DICER1: variants seen among roughly 807,000 people sequenced by gnomAD.
The protein encoded by DICER1 is dicer 1, ribonuclease III, also known as endoribonuclease Dicer.
Under a neutral mutation model 194.1 loss-of-function variants are expected in DICER1, and 43 were observed. That is an observed-to-expected ratio of 0.22 (90% CI 0.17 to 0.29). The LOEUF is 0.29. Among genes scored for constraint, DICER1 ranks in the 10% least tolerant of loss-of-function variants. The probability of loss-of-function intolerance (pLI) is 1.00; values close to 1 mark genes in which losing one functional copy is unlikely to be tolerated. For missense variants in DICER1, 1,608 were observed against 2,317.0 expected, an observed-to-expected ratio of 0.69 and a Z score of 6.28; for synonymous variants, 832 against 820.5, an observed-to-expected ratio of 1.01 and a Z score of -0.24.
At chr14:95,155,370 A>C (rs866363172) in intron 1 of DICER1, among the ~76,000 whole-genome samples, 35 of 152,240 alleles carry the variant, frequency 2.3e-4, no homozygotes, top group African/African-American at 6.5e-4. Flanking sequence ...CACATGTCAG[A>C]TAGTGGTAGA....
At chr14:95,108,746 C>T (rs113943173) in intron 14 of DICER1, among the ~76,000 whole-genome samples, 1 of 152,290 alleles carries the variant, frequency 6.6e-6, no homozygotes, top group Non-Finnish European at 1.5e-5. Flanking sequence ...GACTACATAG[C>T]TAATACCAAA....
rs202227142 is a variant in DICER1 at position 95,103,406 on chromosome 14, A to G, written c.3990T>C (p.Tyr1330=). 1.1e-5 allele frequency: 18 copies of G among 1,614,160 alleles called. 1 individual carries two copies. The highest frequency in any genetic ancestry group is 8.3e-5 in the Admixed American group (5 of 60,016). ...DSFLKHAITT[Y]LFCTYPDAHE... The stretch of plus-strand genomic sequence containing the variant: ...GCGCATCAGGGTAAGTGCAAAATAG[A>G]TATGTGGTGATGGCATGCTTTAAAA... The change falls in exon 21 of 27, where the codon TAT becomes TAC. Residue 1330 remains tyrosine, a synonymous_variant. Coordinates refer to ENST00000343455, the MANE Select transcript of DICER1 (RefSeq NM_177438.3).
chr14:95,126,458 AG>A (rs1893467188), intron 7 of DICER1, 121 bp downstream of exon 7: 2 of 653,960 alleles, frequency 3.1e-6, no homozygotes, highest in Non-Finnish European at 5.2e-6. Flanking sequence ...ATGTCTAAAA[AG>A]ATTAAGACCT....
chr14:95,153,691 C>T (rs1385413973), intron 1 of DICER1, among the ~76,000 whole-genome samples: 1 of 152,180 alleles, frequency 6.6e-6, no homozygotes, highest in Non-Finnish European at 1.5e-5. Flanking sequence ...TTCTATACTA[C>T]CAACCTTTAC....
At chr14:95,112,720 A>G (rs1374132484) in intron 12 of DICER1, among the ~76,000 whole-genome samples, 1 of 152,214 alleles carries the variant, frequency 6.6e-6, no homozygotes, top group Non-Finnish European at 1.5e-5. Flanking sequence ...GGACAACGCA[A>G]CGATCTATAA....
At chr14:95,111,509 A>G in intron 13 of DICER1, 53 bp from the exon 14 acceptor site, 1 of 1,587,460 alleles carries the variant, frequency 6.3e-7, no homozygotes, top group African/African-American at 1.3e-5. Flanking sequence ...CTGATTAATT[A>G]GTAAAGAATT....
In DICER1 at chr14:95,088,142, C is replaced by T. The variant is rs976227310; in HGVS notation, c.*2356G>A. On this transcript the variant is annotated 3_prime_UTR_variant, in exon 27 of 27. Coordinates refer to ENST00000343455, the MANE Select transcript of DICER1 (RefSeq NM_177438.3). ...TATTTTTCTCCAACAAAAAGTGAAA[C>T]GGCTGAAGTTTGCTGTTGATAAAAC... 7 of 232,556 alleles carry T rather than the reference C, an allele frequency of 3.0e-5. No individual in the cohort carries two copies. Among genetic ancestry groups the T allele is most frequent in the Non-Finnish European group, 5.1e-5 (6 of 117,538 alleles). The allele number at this position is 232,556 out of a possible 1,614,324, so 14.4% of individuals were successfully genotyped here.
chr14:95,120,088 C>T (rs563376998), intron 8 of DICER1, among the ~76,000 whole-genome samples: 25 of 152,144 alleles, frequency 1.6e-4, no homozygotes, highest in Non-Finnish European at 3.2e-4. Flanking sequence ...CTAATGCAGA[C>T]AACCATAAGA....
Position 95,087,969 on chromosome 14 carries a change from A to C in DICER1, c.*2529T>G, listed in dbSNP as rs1477257901. On this transcript the variant is annotated 3_prime_UTR_variant, in exon 27 of 27. Coordinates refer to ENST00000343455, the MANE Select transcript of DICER1 (RefSeq NM_177438.3). ...AGATGCAAAACATTTCAACAAGCTA[A>C]ACACAGGAAAACTTTACAGCATTAA... The C allele has an allele frequency of 5.1e-5, 12 of 233,104 alleles. No individual in the cohort carries two copies. Among genetic ancestry groups the C allele is most frequent in the Non-Finnish European group, 8.5e-5 (10 of 117,938 alleles). 14.4% of individuals were successfully genotyped at this position (233,104 alleles called of 1,614,324 possible).
chr14:95,096,615 C>T lies in DICER1; in HGVS notation c.4305G>A (p.Glu1435=). 1 of 1,612,006 alleles carries T rather than the reference C, an allele frequency of 6.2e-7. No homozygotes were observed. The highest frequency in any genetic ancestry group is 8.5e-7 in the Non-Finnish European group (1 of 1,178,980). ...ESLMWRAPKE[E]ADYEDDFLEY... ...CCAGGAAATCATCTTCATAGTCAGCCTCTTCCTTCGGAGCCCTCCACATCA... is the reference window on the plus strand; with the variant it reads ...CCAGGAAATCATCTTCATAGTCAGCTTCTTCCTTCGGAGCCCTCCACATCA... Residue 1435 remains glutamate (E), a synonymous_variant, in exon 23 of 27, where the codon GAG becomes GAA. Transcript: ENST00000343455.
At chr14:95,098,361 A>C (rs1890553978) in intron 22 of DICER1, among the ~76,000 whole-genome samples, 1 of 152,246 alleles carries the variant, frequency 6.6e-6, no homozygotes, top group Non-Finnish European at 1.5e-5. Flanking sequence ...CTGAAGGGCC[A>C]GAGCAAGGTA....
chr14:95,138,997 A>T (rs907988478), intron 1 of DICER1, among the ~76,000 whole-genome samples: 54 of 83,122 alleles, frequency 6.5e-4, no homozygotes, highest in African/African-American at 3.7e-3. Flanking sequence ...AAAAAAATAA[A>T]AAAAAAAAAA....
At position 95,096,063 on chromosome 14, in the gene DICER1, C is replaced by T; in HGVS notation, c.4857G>A (p.Val1619=). 6.2e-7 allele frequency: 1 copy of T among 1,614,186 alleles called. No homozygotes were observed. The highest frequency in any genetic ancestry group is 8.5e-7 in the Non-Finnish European group (1 of 1,180,034). Residue 1619 remains valine, a synonymous_variant, in exon 23 of 27, where the codon GTG becomes GTA. Transcript: ENST00000343455. ...NFNSQQKNLS[V]SCAAASVASS... ...TGGCCACAGAAGCAGCAGCACAGCT[C>T]ACTGAAAGGTTCTTTTGTTGGCTGT...
intron 1 of DICER1, among the ~76,000 whole-genome samples, chr14:95,147,482 C>G (rs142417616): frequency 1.3e-5 from 2 of 152,214 alleles, no homozygotes; most frequent in Non-Finnish European, 2.9e-5. Flanking sequence ...AAACCTCCCC[C>G]GTTAAGGCAC....
chr14:95,146,338 T>G (rs1246760110), intron 1 of DICER1, among the ~76,000 whole-genome samples: 1 of 152,186 alleles, frequency 6.6e-6, no homozygotes, highest in Non-Finnish European at 1.5e-5. Flanking sequence ...ACTTCCCTAA[T>G]TGGTTTCTTA....
Position 95,086,742 on chromosome 14 carries a change from TA to T in DICER1, c.*3755del, listed in dbSNP as rs1367935758. 9 of 232,876 alleles carry T rather than the reference TA, an allele frequency of 3.9e-5. No homozygotes were observed. Among genetic ancestry groups the T allele is most frequent in the Admixed American group, 1.1e-4 (2 of 17,776 alleles). The allele number at this position is 232,876 out of a possible 1,614,324, so 14.4% of individuals were successfully genotyped here. A position where few individuals can be genotyped will look rare whatever the true frequency, so the allele number is the denominator to read the frequency against. On this transcript the variant is annotated 3_prime_UTR_variant, in exon 27 of 27. Transcript: ENST00000343455. ...TCTCCAACAACTTTAAAAATCATTT[TA>T]ATAGTCTTGGTCTTAAACATATCTT... is the stretch of plus-strand genomic sequence containing the variant.
Position 95,088,324 on chromosome 14 carries a change from T to C in DICER1, c.*2174A>G, listed in dbSNP as rs902240610. ...CTGGGAATCATAACTGTGAAAACAATCTGATTTTGGTGCCAGGAATCAAGA... is the reference window on the plus strand; with the variant it reads ...CTGGGAATCATAACTGTGAAAACAACCTGATTTTGGTGCCAGGAATCAAGA... On this transcript the variant is annotated 3_prime_UTR_variant, in exon 27 of 27. Transcript: ENST00000343455. 4.3e-5 allele frequency: 10 copies of C among 232,126 alleles called. No homozygotes were observed. Among genetic ancestry groups the C allele is most frequent in the African/African-American group, 2.2e-4 (10 of 45,254 alleles). The allele number at this position is 232,126 out of a possible 1,614,324, so 14.4% of individuals were successfully genotyped here.
rs374449755 is a variant in DICER1 at position 95,121,343 on chromosome 14, G to C, written c.1376+2853C>G. ...AAATAAAAATAAATTTTTTGAAAAA[G>C]AGGACATTAGTAGAAAAGCTGTCAA... On this transcript the variant is annotated intron_variant, in intron 8 of 26. Transcript: ENST00000343455. Among the ~76,000 whole-genome samples the C allele has an allele frequency of 2.6e-5, 4 of 152,276 alleles. No homozygotes were observed. In the East Asian group the frequency reaches 5.8e-4, roughly 22 times the overall value.
intron 6 of DICER1, among the ~76,000 whole-genome samples, chr14:95,128,741 T>G (rs1893692422): frequency 6.6e-6 from 1 of 152,192 alleles, no homozygotes; most frequent in Admixed American, 6.5e-5. Context: ...CTGACTTAAC[T>G]CCACAACTTG....
Sources: allele counts gnomAD v4.1 joint callset (sites outside exome capture counted in the v4.1 genomes callset), GRCh38; gene constraint gnomAD v4.1.1; transcripts MANE v1.5; gene names NCBI Gene and HGNC (gene_info 2026-07-23, HGNC 2026-07-21).